DENND1B: variants seen among roughly 807,000 people sequenced by gnomAD.
DENND1B encodes DENN domain containing 1B, also known as DENN domain-containing protein 1B.
A neutral mutation model predicts 90.1 loss-of-function variants in DENND1B; 59 were observed. The observed-to-expected ratio is 0.65, with a 90% CI of 0.53 to 0.81. DENND1B has a LOEUF of 0.81. Ranked by LOEUF, DENND1B falls within the 40% of genes least tolerant of loss-of-function variation. The probability of loss-of-function intolerance (pLI) is 0.00; values close to 1 mark genes in which losing one functional copy is unlikely to be tolerated. For missense variants in DENND1B, 862 were observed against 912.6 expected (o/e 0.94, Z 0.71); for synonymous variants, 337 against 324.6 (o/e 1.04, Z -0.41).
chr1:197,657,995 C>A (rs545461809), intron 6 of DENND1B, among the ~76,000 whole-genome samples: 3 of 152,152 alleles, frequency 2.0e-5, no homozygotes, highest in South Asian at 2.1e-4. Flanking sequence ...AGTCACTTGG[C>A]AAATAAGGAC....
upstream of DENND1B, among the ~76,000 whole-genome samples, chr1:197,776,935 A>G (rs1657300957): frequency 4.6e-5 from 7 of 152,198 alleles, no homozygotes; most frequent in Admixed American, 4.6e-4. Context: ...TGTACATCAC[A>G]TGAGCAGTGT....
chr1:197,748,435 T>C (rs1440475248), intron 2 of DENND1B, among the ~76,000 whole-genome samples: 2 of 152,212 alleles, frequency 1.3e-5, no homozygotes, highest in African/African-American at 2.4e-5. Context: ...GACTGTATTA[T>C]ATAACATAGG....
At chr1:197,664,236 GTATTCT>G (rs1189721220) in intron 5 of DENND1B, among the ~76,000 whole-genome samples, 2 of 151,916 alleles carry the variant, frequency 1.3e-5, no homozygotes, top group Non-Finnish European at 2.9e-5. Flanking sequence ...GTCAAAGTCT[GTATTCT>G]TACAACAGAC....
At chr1:197,707,295 T>A (rs923807324) in intron 3 of DENND1B, among the ~76,000 whole-genome samples, 34 of 152,174 alleles carry the variant, frequency 2.2e-4, no homozygotes, top group African/African-American at 7.2e-4. Flanking sequence ...CAGAGGTTAG[T>A]TAATGGATCC....
intron 20 of DENND1B, among the ~76,000 whole-genome samples, chr1:197,519,576 T>C (rs1668628234): frequency 6.6e-6 from 1 of 151,954 alleles, no homozygotes; most frequent in Admixed American, 6.6e-5. Flanking sequence ...AATTGAACAG[T>C]CATACAAATA....
At chr1:197,713,828 T>C (rs1213015491) in intron 3 of DENND1B, among the ~76,000 whole-genome samples, 1 of 23,024 alleles carries the variant, frequency 4.3e-5, no homozygotes, top group Non-Finnish European at 7.5e-5. Flanking sequence ...TAATATATTA[T>C]ATATAATATA....
At chr1:197,563,439 A>G (rs955032585) in intron 15 of DENND1B, among the ~76,000 whole-genome samples, 2 of 151,962 alleles carry the variant, frequency 1.3e-5, no homozygotes, top group African/African-American at 4.8e-5. Flanking sequence ...TGCTCTATAA[A>G]TAATACAAAG....
intron 5 of DENND1B, among the ~76,000 whole-genome samples, chr1:197,658,729 T>C (rs1354640140): frequency 6.6e-6 from 1 of 151,220 alleles, no homozygotes; most frequent in African/African-American, 2.4e-5. Flanking sequence ...ACAAAAGATA[T>C]CAAAAATATC....
chr1:197,577,289 T>C, intron 15 of DENND1B, among the ~76,000 whole-genome samples: 1 of 152,180 alleles, frequency 6.6e-6, no homozygotes, highest in East Asian at 1.9e-4. Flanking sequence ...TTGCCATAGC[T>C]ACATTGCGGT....
chr1:197,759,565 C>G (rs1295495723), intron 2 of DENND1B, among the ~76,000 whole-genome samples: 1 of 150,914 alleles, frequency 6.6e-6, no homozygotes, highest in African/African-American at 2.4e-5. Context: ...GGTGAAACTC[C>G]GTCTCTACTA....
intron 18 of DENND1B, among the ~76,000 whole-genome samples, chr1:197,542,264 G>C (rs1670388460): frequency 6.6e-6 from 1 of 152,042 alleles, no homozygotes; most frequent in Non-Finnish European, 1.5e-5. Context: ...GATAACTCTA[G>C]TTTTCTTTAT....
At chr1:197,721,065 ATTTTT>A (rs11371047) in intron 2 of DENND1B, among the ~76,000 whole-genome samples, 1 of 98,968 alleles carries the variant, frequency 1.0e-5, no homozygotes, top group Admixed American at 1.3e-4. Context: ...GAGAAACGGC[ATTTTT>A]TTTTTTTTTT....
chr1:197,548,168 A>C (rs969239277), intron 16 of DENND1B, among the ~76,000 whole-genome samples: 15 of 152,196 alleles, frequency 9.9e-5, no homozygotes, highest in African/African-American at 3.6e-4. Flanking sequence ...TCTTATTTAG[A>C]ACTATGAGGA....
At chr1:197,599,864 G>A (rs560345466) in intron 13 of DENND1B, among the ~76,000 whole-genome samples, 6 of 151,768 alleles carry the variant, frequency 4.0e-5, no homozygotes, top group Non-Finnish European at 8.8e-5. Flanking sequence ...TCATCTACAA[G>A]TATACAATGA....
chr1:197,510,324 T>C lies in DENND1B; in HGVS notation c.*136A>G, dbSNP rs1571677288. 2 of 983,578 alleles carry C rather than the reference T, an allele frequency of 2.0e-6. No individual in the cohort carries two copies. The highest frequency in any genetic ancestry group is 5.4e-5 in the East Asian group (2 of 37,182). 60.9% of individuals were successfully genotyped at this position (983,578 alleles called of 1,614,324 possible). ...CAATGCATTTCATATATCCTCGAAA[T>C]GAACAAGTGAGAAAAATGTTGCAAA... On this transcript the variant is annotated 3_prime_UTR_variant, in exon 23 of 23. Transcript: ENST00000620048.
chr1:197,713,801 T>TATAATATATTATATATAATATATTATA (rs1483373450), intron 3 of DENND1B, among the ~76,000 whole-genome samples: 10 of 32,600 alleles, frequency 3.1e-4, no homozygotes, highest in South Asian at 1.3e-3. Context: ...TATTATTATA[T>TATAATATATTATATATAATATATTATA]TATAATATAT....
chr1:197,678,102 C>T (rs1056255640), intron 3 of DENND1B, among the ~76,000 whole-genome samples: 2 of 152,168 alleles, frequency 1.3e-5, no homozygotes, highest in African/African-American at 4.8e-5. Flanking sequence ...AAACTAATCC[C>T]TGGCAAGGGA....
At chr1:197,654,333 G>A (rs892218771) in intron 6 of DENND1B, among the ~76,000 whole-genome samples, 12 of 152,186 alleles carry the variant, frequency 7.9e-5, no homozygotes, top group Middle Eastern at 3.4e-3. Context: ...AACTTAGGCC[G>A]GGAGTGGTGG....
At chr1:197,749,950 G>A (rs2102405334) in intron 2 of DENND1B, among the ~76,000 whole-genome samples, 2 of 152,168 alleles carry the variant, frequency 1.3e-5, no homozygotes, top group African/African-American at 2.4e-5. Flanking sequence ...TGGGCTCAAG[G>A]AATCCTTCCC....
Sources: gnomAD v4.1 joint callset for allele counts (sites outside exome capture counted in the v4.1 genomes callset) on GRCh38, gnomAD v4.1.1 for gene constraint, MANE v1.5 for transcripts, NCBI Gene and HGNC (gene_info 2026-07-23, HGNC 2026-07-21) for gene names.